Variants in BDP1 observed in about 807,000 individuals in gnomAD.
BDP1 encodes the protein BDP1 general transcription factor IIIB subunit.
A neutral mutation model predicts 266.6 loss-of-function variants in BDP1; 169 were observed. The ratio of observed to expected loss-of-function variants is 0.63; its 90% CI spans 0.56 to 0.72. BDP1 has a LOEUF of 0.72. BDP1 is among the 30% of genes least tolerant of loss of function. The pLI is 0.00. For missense variants in BDP1, 3,015 were observed against 3,053.8 expected, an observed-to-expected ratio of 0.99 and a Z score of 0.30; for synonymous variants, 1,090 against 1,022.4, an observed-to-expected ratio of 1.07 and a Z score of -1.26.
chr5:71,557,065 C>T (rs1351382062), intron 36 of BDP1, 140 bp downstream of exon 36: 51 of 454,700 alleles, frequency 1.1e-4, no homozygotes, highest in African/African-American at 2.0e-5. Flanking sequence ...CACTTCTTTC[C>T]TGCAAAGGCC....
Position 71,543,840 on chromosome 5 carries a change from G to C in BDP1, c.6413-517G>C, listed in dbSNP as rs568722556. Among the ~76,000 whole-genome samples the C allele has an allele frequency of 1.1e-3, 171 of 152,206 alleles. 2 individuals are homozygous for C. The highest frequency in any genetic ancestry group is 3.5e-3 in the African/African-American group (144 of 41,536). ...ATGATACTTTGTATGGGTCCCATGG[G>C]GTTATTCACAATATTGCACTAAACA... On this transcript the variant is annotated intron_variant, in intron 30 of 38. Transcript: ENST00000358731.
chr5:71,557,408 G>T (rs1171564461), intron 36 of BDP1, among the ~76,000 whole-genome samples: 3 of 108,490 alleles, frequency 2.8e-5, no homozygotes, highest in African/African-American at 4.1e-5. Flanking sequence ...TTTTTGAGAC[G>T]GTGTCTCGCT....
chr5:71,555,098 G>C lies in BDP1; in HGVS notation c.7200+1778G>C, dbSNP rs375416223. Among the ~76,000 whole-genome samples the C allele has an allele frequency of 9.9e-5, 15 of 152,260 alleles. 1 individual carries two copies. The highest frequency in any genetic ancestry group is 3.6e-4 in the African/African-American group (15 of 41,550). On this transcript the variant is annotated intron_variant, in intron 35 of 38. Transcript: ENST00000358731. ...AGACATTTTTTATTTTCCATAATCA[G>C]ATTTATCAGTCTTTTTGTGTATGGC...
chr5:71,471,174 G>T (rs13153636), intron 7 of BDP1, among the ~76,000 whole-genome samples: 1 of 132,640 alleles, frequency 7.5e-6, no homozygotes, highest in African/African-American at 2.9e-5. Flanking sequence ...ATGGAGTCTC[G>T]CTCTGTTGCC....
At chr5:71,513,539 T>A (rs921571070) in intron 19 of BDP1, 132 bp downstream of exon 19, 9 of 650,220 alleles carry the variant, frequency 1.4e-5, no homozygotes, top group Non-Finnish European at 1.9e-5. Context: ...GTGATATTGC[T>A]CCCATGCTTA....
intron 25 of BDP1, among the ~76,000 whole-genome samples, chr5:71,525,385 C>T (rs1358126083): frequency 2.1e-5 from 3 of 145,172 alleles, no homozygotes; most frequent in Admixed American, 1.4e-4. Context: ...GCTGGCCGGG[C>T]GGGGGGCTGA....
chr5:71,542,804 C>T (rs1472507208), intron 30 of BDP1, among the ~76,000 whole-genome samples: 1 of 151,976 alleles, frequency 6.6e-6, no homozygotes. Context: ...AGTTAATTAA[C>T]ACATATTTTG....
At position 71,469,001 on chromosome 5, in the gene BDP1, G is replaced by A. The variant is rs192914197; in HGVS notation, c.920-1394G>A. On this transcript the variant is annotated intron_variant, in intron 6 of 38. Coordinates refer to ENST00000358731, the MANE Select transcript of BDP1 (RefSeq NM_018429.3). ...ATAAATATGCTGTTAAAAATCTGTT[G>A]CATGTTGGTGCTTATTGTTTTTATT... 2.3e-3 allele frequency among the ~76,000 whole-genome samples: 349 copies of A among 152,232 alleles called. 3 individuals are homozygous for A. Among genetic ancestry groups the A allele is most frequent in the Non-Finnish European group, 1.6e-3 (109 of 68,008 alleles).
intron 18 of BDP1, among the ~76,000 whole-genome samples, chr5:71,512,859 AG>A (rs1765003531): frequency 6.6e-6 from 1 of 152,052 alleles, no homozygotes; most frequent in Non-Finnish European, 1.5e-5. Context: ...GTTTGAGACC[AG>A]CCTGGGCAAC....
At chr5:71,542,500 GTC>G (rs1410325495) in intron 30 of BDP1, among the ~76,000 whole-genome samples, 1 of 151,740 alleles carries the variant, frequency 6.6e-6, no homozygotes, top group Non-Finnish European at 1.5e-5. Context: ...TTCTCTCTCT[GTC>G]TCTCTCTTTC....
rs530899267 is a variant in BDP1 at position 71,525,583 on chromosome 5, G to C, written c.5772+1260G>C. 5.1e-4 allele frequency among the ~76,000 whole-genome samples: 43 copies of C among 85,060 alleles called. 2 individuals carry two copies. Among genetic ancestry groups the C allele is most frequent in the African/African-American group, 1.6e-3 (39 of 23,828 alleles). The allele number at this position is 85,060 out of a possible 152,430, so 55.8% of individuals were successfully genotyped here. A position where few individuals can be genotyped will look rare whatever the true frequency, so the allele number is the denominator to read the frequency against. On this transcript the variant is annotated intron_variant, in intron 25 of 38. Transcript: ENST00000358731. ...TCCCGGATGGGGCGGCTGGCCGGGC[G>C]GGGGGCTGACCCCCCAACCTCCTTC...
intron 8 of BDP1, among the ~76,000 whole-genome samples, chr5:71,484,667 A>G (rs1031239379): frequency 2.0e-5 from 3 of 152,186 alleles, no homozygotes; most frequent in Non-Finnish European, 2.9e-5. Context: ...AGAAAAATAC[A>G]TTTACTGTTA....
Position 71,564,756 on chromosome 5 carries a change from T to G in BDP1, c.7746T>G (p.Val2582=). The G allele has an allele frequency of 5.6e-6, 9 of 1,595,526 alleles. No individual in the cohort carries two copies. Among genetic ancestry groups the G allele is most frequent in the Non-Finnish European group, 7.7e-6 (9 of 1,175,698 alleles). The stretch of plus-strand genomic sequence containing the variant: ...CTTTATTTTTATTACCTTTTTAGGT[T>G]TCTTGTGATCAGCCCTTACTGAAAG... ...SENISSSATQ[V]SCDQPLLKEG... is the part of the protein sequence containing the mutation. The change falls in exon 39 of 39, where the codon GTT becomes GTG. Residue 2582 remains valine (V), a splice_region_variant and synonymous_variant. Coordinates refer to ENST00000358731, the MANE Select transcript of BDP1 (RefSeq NM_018429.3).
chr5:71,568,091 G>T (rs1329818854), downstream of BDP1, among the ~76,000 whole-genome samples: 3 of 152,174 alleles, frequency 2.0e-5, no homozygotes, highest in Non-Finnish European at 4.4e-5. Flanking sequence ...GCTGCAGTGA[G>T]CTGTGATTGC....
intron 26 of BDP1, among the ~76,000 whole-genome samples, chr5:71,536,389 A>G (rs1397277949): frequency 2.0e-5 from 3 of 152,360 alleles, no homozygotes; most frequent in Admixed American, 2.0e-4. Flanking sequence ...AATAGCATAT[A>G]TACTGCATAC....
chr5:71,522,439 A>G lies in BDP1; in HGVS notation c.5142A>G (p.Pro1714=), dbSNP rs755113205. The G allele has an allele frequency of 6.2e-7, 1 of 1,613,924 alleles. No individual in the cohort carries two copies. The highest frequency in any genetic ancestry group is 1.7e-5 in the Admixed American group (1 of 60,002). Residue 1714 remains proline (P), a synonymous_variant, in exon 23 of 39, where the codon CCA becomes CCG. Coordinates refer to ENST00000358731, the MANE Select transcript of BDP1 (RefSeq NM_018429.3). ...VTTDQSKEGK[P]EDHLLQKGAS... ...CAGATCAGAGCAAGGAAGGCAAGCC[A>G]GAAGATCATTTGCTGCAGAAAGGAG...
At chr5:71,577,596 A>G in the BDP1 span, among the ~76,000 whole-genome samples, 1 of 152,186 alleles carries the variant, frequency 6.6e-6, no homozygotes, top group Non-Finnish European at 1.5e-5. Flanking sequence ...GTGAAAGCCC[A>G]TTTGCAGGGA....
At chr5:71,520,074 A>T (rs944450453) in intron 22 of BDP1, among the ~76,000 whole-genome samples, 1 of 152,136 alleles carries the variant, frequency 6.6e-6, no homozygotes, top group African/African-American at 2.4e-5. Flanking sequence ...GATGTTGAAC[A>T]TTTTGTCAGA....
chr5:71,484,857 G>A (rs904043934), intron 8 of BDP1, among the ~76,000 whole-genome samples: 1 of 152,050 alleles, frequency 6.6e-6, no homozygotes, highest in Non-Finnish European at 1.5e-5. Flanking sequence ...AAATCCAAAT[G>A]TAGAGAGTAC....
Sources: gnomAD v4.1 joint callset for allele counts (sites outside exome capture counted in the v4.1 genomes callset) on GRCh38, gnomAD v4.1.1 for gene constraint, MANE v1.5 for transcripts, NCBI Gene and HGNC (gene_info 2026-07-23, HGNC 2026-07-21) for gene names.